Variants in CNPY1 observed in about 807,000 individuals in gnomAD.
CNPY1 encodes protein canopy homolog 1.
In CNPY1, 14 loss-of-function variants were observed where a neutral mutation model predicts 14.4. The observed-to-expected ratio is 0.97, with a 90% CI of 0.64 to 1.52. The LOEUF (loss-of-function observed/expected upper bound fraction) is 1.52. CNPY1 is among the 40% of genes most tolerant of loss of function. CNPY1 has a pLI of 0.00. For missense variants in CNPY1, 129 were observed against 131.5 expected (o/e 0.98, Z 0.09); for synonymous variants, 43 against 46.5 (o/e 0.92, Z 0.31).
rs146285576 is a variant in CNPY1 at position 155,516,869 on chromosome 7, GC to G, written c.100-7773del. Among the ~76,000 whole-genome samples, 121 of 152,320 alleles carry G rather than the reference GC, an allele frequency of 7.9e-4. 1 individual carries two copies. The East Asian group carries it at 0.016, about 20-fold the overall frequency. The stretch of plus-strand genomic sequence containing the variant: ...TAGAACCTCAGCAGCCCTCCGGGAA[GC>G]CCTTAGGTTGGGCTGAGCTGTCGTG... On this transcript the variant is annotated intron_variant, in intron 2 of 4. Coordinates refer to ENST00000636446, the MANE Select transcript of CNPY1 (RefSeq NM_001393663.1).
rs1317538102 is a variant in CNPY1, at chr7:155,536,409, G to GC, written c.99+9421dup. Among the ~76,000 whole-genome samples, 2 of 152,260 alleles carry GC rather than the reference G, an allele frequency of 1.3e-5. No homozygotes were observed. Among genetic ancestry groups the GC allele is most frequent in the East Asian group, 3.9e-4 (2 of 5,184 alleles). Reference sequence around the variant, plus strand: ...AATGCATCCAGGGCCATACTGAGGTGCCTTTCTTTGTCCCATGCTACCAGG... The same window carrying GC: ...AATGCATCCAGGGCCATACTGAGGTGCCCTTTCTTTGTCCCATGCTACCAGG... On this transcript the variant is annotated intron_variant, in intron 2 of 4. Transcript: ENST00000636446. The surrounding 1 kb of genome is among the most constrained non-coding windows in gnomAD (Gnocchi z 4.1).
intron 2 of CNPY1, among the ~76,000 whole-genome samples, chr7:155,541,754 G>A (rs1432555651): frequency 6.6e-6 from 1 of 152,164 alleles, no homozygotes; most frequent in Non-Finnish European, 1.5e-5. Flanking sequence ...AGTGTGGATG[G>A]AGCCACACAC....
chr7:155,505,810 C>T (rs1796285803), intron 4 of CNPY1, among the ~76,000 whole-genome samples: 1 of 152,214 alleles, frequency 6.6e-6, no homozygotes, highest in African/African-American at 2.4e-5. Flanking sequence ...TCATGGACAT[C>T]ACACATTTCT....
rs1796103947 is a variant in CNPY1, at chr7:155,501,419, G to C, written c.*1649C>G. The C allele has an allele frequency of 6.6e-6, 1 of 152,134 alleles. No individual in the cohort carries two copies. The highest frequency in any genetic ancestry group is 2.4e-5 in the African/African-American group (1 of 41,434). 9.4% of individuals were successfully genotyped at this position (152,134 alleles called of 1,614,324 possible). A position where few individuals can be genotyped will look rare whatever the true frequency, so the allele number is the denominator to read the frequency against. On this transcript the variant is annotated 3_prime_UTR_variant, in exon 5 of 5. Transcript: ENST00000636446. Reference sequence around the variant, plus strand: ...TCAAAGAGAGTATGGAAACAGATTTGGCAACACTTCTACGGTTACGACCGT... The same window carrying C: ...TCAAAGAGAGTATGGAAACAGATTTCGCAACACTTCTACGGTTACGACCGT...
In CNPY1 at chr7:155,503,048, C is replaced by T. The variant is rs754709888; in HGVS notation, c.*20G>A. On this transcript the variant is annotated 3_prime_UTR_variant, in exon 5 of 5. Transcript: ENST00000636446. ...TTGGGTGTGACTTTACTCCTCTCTACGACCAGCAGAACGGCACTCCTAGAG... is the reference window on the plus strand; with the variant it reads ...TTGGGTGTGACTTTACTCCTCTCTATGACCAGCAGAACGGCACTCCTAGAG... 37 of 1,606,242 alleles carry T rather than the reference C, an allele frequency of 2.3e-5. No individual in the cohort carries two copies. The highest frequency in any genetic ancestry group is 1.4e-4 in the South Asian group (13 of 90,642).
chr7:155,516,492 C>T (rs919835160), intron 2 of CNPY1, among the ~76,000 whole-genome samples: 10 of 152,130 alleles, frequency 6.6e-5, no homozygotes, highest in Non-Finnish European at 1.3e-4. Context: ...AGTGGAACCG[C>T]GGGGACCTCA....
intron 2 of CNPY1, among the ~76,000 whole-genome samples, chr7:155,524,845 T>TGG (rs1214059673): frequency 2.1e-5 from 3 of 146,248 alleles, no homozygotes; most frequent in Admixed American, 2.0e-4. Context: ...CCATAAATGT[T>TGG]GGGGACCGCT....
intron 2 of CNPY1, among the ~76,000 whole-genome samples, chr7:155,545,557 C>A (rs1385603296): frequency 6.6e-6 from 1 of 152,172 alleles, no homozygotes; most frequent in African/African-American, 2.4e-5. Flanking sequence ...GCTGGCCTCA[C>A]CAAGAACCAC....
chr7:155,518,897 G>A (rs953273909), intron 2 of CNPY1, among the ~76,000 whole-genome samples: 8 of 152,088 alleles, frequency 5.3e-5, no homozygotes, highest in East Asian at 1.9e-4. Context: ...AAGAAATGCC[G>A]GGAAGAAAAA....
chr7:155,524,204 G>A (rs1335156400), intron 2 of CNPY1, among the ~76,000 whole-genome samples: 2 of 152,230 alleles, frequency 1.3e-5, no homozygotes, highest in Non-Finnish European at 2.9e-5. Context: ...AATGGCCCCC[G>A]CTTCTGCCCC....
rs576087334 is a variant in CNPY1 at position 155,542,447 on chromosome 7, C to T, written c.99+3384G>A. Among the ~76,000 whole-genome samples, 60 of 152,338 alleles carry T rather than the reference C, an allele frequency of 3.9e-4. 1 individual carries two copies. The highest frequency in any genetic ancestry group is 6.8e-3 in the Middle Eastern group (2 of 294). On this transcript the variant is annotated intron_variant, in intron 2 of 4. Transcript: ENST00000636446. ...GAAAGGCTCTTCATGGAGACCTCTGCTTGCCCTTCGGGGCTCACCCAAGCT... is the reference window on the plus strand; with the variant it reads ...GAAAGGCTCTTCATGGAGACCTCTGTTTGCCCTTCGGGGCTCACCCAAGCT...
At chr7:155,509,805 T>C (rs1485453019) in intron 2 of CNPY1, among the ~76,000 whole-genome samples, 1 of 152,130 alleles carries the variant, frequency 6.6e-6, no homozygotes, top group East Asian at 1.9e-4. Flanking sequence ...CCCCTCTCCC[T>C]CCGGAATTCG....
chr7:155,513,741 G>A (rs988939382), intron 2 of CNPY1, among the ~76,000 whole-genome samples: 8 of 150,968 alleles, frequency 5.3e-5, no homozygotes, highest in Non-Finnish European at 4.4e-5. Context: ...AAAAAAAGGC[G>A]TAATGAATCA....
intron 2 of CNPY1, among the ~76,000 whole-genome samples, chr7:155,522,054 C>A (rs776740663): frequency 2.8e-4 from 42 of 152,346 alleles, no homozygotes; most frequent in Middle Eastern, 6.8e-3. Context: ...GTGTTGAACA[C>A]GCACGTGCAC....
At chr7:155,529,319 C>T (rs1041281574) in intron 2 of CNPY1, among the ~76,000 whole-genome samples, 7 of 152,312 alleles carry the variant, frequency 4.6e-5, no homozygotes, top group Non-Finnish European at 8.8e-5. Flanking sequence ...GGTCCTTTGG[C>T]CATCACCCTC....
At chr7:155,522,530 G>A (rs551937885) in intron 2 of CNPY1, among the ~76,000 whole-genome samples, 3 of 152,350 alleles carry the variant, frequency 2.0e-5, no homozygotes, top group Non-Finnish European at 4.4e-5. Flanking sequence ...CGCAGCCTTC[G>A]AGAGGGTGAG....
intron 2 of CNPY1, among the ~76,000 whole-genome samples, chr7:155,535,629 C>G (rs1261475748): frequency 6.6e-6 from 1 of 152,196 alleles, no homozygotes; most frequent in Non-Finnish European, 1.5e-5. Flanking sequence ...CCTTCCTTGC[C>G]TACACACGAG....
chr7:155,533,045 C>T (rs62481209), intron 2 of CNPY1, among the ~76,000 whole-genome samples: 50,965 of 152,142 alleles, frequency 0.33, 9,483 homozygotes, highest in Non-Finnish European at 0.4. Flanking sequence ...ACCCACTCAA[C>T]GTCCTTCTAA....
chr7:155,509,887 T>A (rs1796479801), intron 2 of CNPY1, among the ~76,000 whole-genome samples: 1 of 152,114 alleles, frequency 6.6e-6, no homozygotes, highest in Non-Finnish European at 1.5e-5. Context: ...CCCTCGCCCT[T>A]GGTAACGGAG....
Sources: gnomAD v4.1 joint callset for allele counts (sites outside exome capture counted in the v4.1 genomes callset) on GRCh38, gnomAD v4.1.1 for gene constraint, Gnocchi (gnomAD v3.1) non-coding constraint, MANE v1.5 for transcripts, NCBI Gene and HGNC (gene_info 2026-07-23, HGNC 2026-07-21) for gene names.